The following MYT1L variants were observed in gnomAD, a reference collection of about 807,000 sequenced individuals.
MYT1L encodes the protein myelin transcription factor 1-like protein.
In MYT1L, 12 loss-of-function variants were observed where a neutral mutation model predicts 126.7. The observed-to-expected ratio is 0.09, with a 90% CI of 0.06 to 0.15. The LOEUF (loss-of-function observed/expected upper bound fraction) is 0.15. Among genes scored for constraint, MYT1L ranks in the 10% least tolerant of loss-of-function variants. MYT1L has a pLI of 1.00. For missense variants in MYT1L, 979 were observed against 1,585.2 expected (o/e 0.62, Z 6.49); for synonymous variants, 541 against 604.2 (o/e 0.90, Z 1.53).
intron 18 of MYT1L, among the ~76,000 whole-genome samples, chr2:1,865,842 C>G (rs886072387): frequency 1.6e-4 from 24 of 152,338 alleles, no homozygotes; most frequent in African/African-American, 5.1e-4. Context: ...CAACATCTTC[C>G]TCCACACGCT....
In MYT1L at chr2:1,910,221, G is replaced by A. The variant is rs774729423; in HGVS notation, c.1817+19C>T. ...AGACTATGGATAGAGCTCACGGATG[G>A]TGCACTCCTGCTGGGTACCTGAGCA... On this transcript the variant is annotated intron_variant, in intron 13 of 24. Transcript: ENST00000647738. This position sits in a 1 kb window ranked among gnomAD's most constrained non-coding sequence, Gnocchi z 4.8. 4.0e-5 allele frequency: 65 copies of A among 1,606,268 alleles called. No homozygotes were observed. Among genetic ancestry groups the A allele is most frequent in the African/African-American group, 1.3e-4 (10 of 74,798 alleles).
chr2:1,846,130 T>G (rs1336516160), intron 19 of MYT1L, among the ~76,000 whole-genome samples: 2 of 152,162 alleles, frequency 1.3e-5, no homozygotes, highest in African/African-American at 4.8e-5. Context: ...GCCACTGCCC[T>G]GAGGTGCGCC....
intron 2 of MYT1L, among the ~76,000 whole-genome samples, chr2:2,197,570 C>G (rs996448893): frequency 6.6e-6 from 1 of 151,152 alleles, no homozygotes; most frequent in African/African-American, 2.4e-5. Context: ...TGCACACACA[C>G]ATGCACACAA....
chr2:2,279,972 C>A (rs1349176047), intron 2 of MYT1L, among the ~76,000 whole-genome samples: 2 of 151,918 alleles, frequency 1.3e-5, no homozygotes. Flanking sequence ...GAAACAAAAG[C>A]TTTGATGTAG....
At chr2:1,883,453 C>CTGT (rs1380852221) in intron 18 of MYT1L, among the ~76,000 whole-genome samples, 2 of 152,198 alleles carry the variant, frequency 1.3e-5, no homozygotes, top group Non-Finnish European at 2.9e-5. Context: ...CTCTTTCCTG[C>CTGT]TGTTTCTTTC....
At chr2:2,236,918 A>G (rs960324250) in intron 2 of MYT1L, among the ~76,000 whole-genome samples, 1 of 151,404 alleles carries the variant, frequency 6.6e-6, no homozygotes, top group African/African-American at 2.4e-5. Context: ...GGTTCAAGTA[A>G]TTCTCGTGCC....
At chr2:1,875,396 G>T (rs552797429) in intron 18 of MYT1L, among the ~76,000 whole-genome samples, 1 of 152,296 alleles carries the variant, frequency 6.6e-6, no homozygotes, top group East Asian at 1.9e-4. Flanking sequence ...GGCGTGACGT[G>T]GTCCTTGCAC....
rs1330912545 is a variant in MYT1L at position 2,236,805 on chromosome 2, C to T, written c.-421+47599G>A. 3.6e-3 allele frequency among the ~76,000 whole-genome samples: 31 copies of T among 8,650 alleles called. 1 individual carries two copies. The highest frequency in any genetic ancestry group is 0.012 in the South Asian group (2 of 170). 5.7% of individuals were successfully genotyped at this position (8,650 alleles called of 152,430 possible). ...TCTTCTTCTTCTTCTTCTTCTTCTT[C>T]TTCTTCTTCTTTTTTTTTTTTTTTT... On this transcript the variant is annotated intron_variant, in intron 2 of 24. Transcript: ENST00000647738.
intron 10 of MYT1L, among the ~76,000 whole-genome samples, chr2:1,918,524 A>G (rs2053153809): frequency 6.6e-6 from 1 of 152,260 alleles, no homozygotes; most frequent in African/African-American, 2.4e-5. Context: ...CTTTATATCA[A>G]TAAAAGCTGG....
intron 4 of MYT1L, among the ~76,000 whole-genome samples, chr2:2,033,370 G>C (rs2066611502): frequency 6.9e-6 from 1 of 145,292 alleles, no homozygotes; most frequent in South Asian, 2.3e-4. Flanking sequence ...TCCAGAAGGA[G>C]GGCCTTACAC....
intron 2 of MYT1L, among the ~76,000 whole-genome samples, chr2:2,173,484 C>A (rs2090335545): frequency 1.3e-5 from 2 of 152,172 alleles, no homozygotes; most frequent in Admixed American, 6.5e-5. Context: ...ACTATCACAA[C>A]AACAAAAGAA....
chr2:2,275,045 G>A (rs1396014397), intron 2 of MYT1L, among the ~76,000 whole-genome samples: 1 of 152,210 alleles, frequency 6.6e-6, no homozygotes, highest in East Asian at 1.9e-4. Context: ...GTGCGGTAGA[G>A]TCAGCGGGAG....
intron 9 of MYT1L, among the ~76,000 whole-genome samples, chr2:1,937,595 C>T (rs1028300043): frequency 1.4e-5 from 2 of 146,820 alleles, no homozygotes; most frequent in Non-Finnish European, 3.0e-5. Context: ...GATCGCAAGT[C>T]GAGAAGGCCC....
chr2:1,840,904 CTTTTTTT>C, intron 19 of MYT1L, 61 bp from the exon 20 acceptor site: 3 of 750,366 alleles, frequency 4.0e-6, no homozygotes, highest in Non-Finnish European at 6.1e-6. Flanking sequence ...AGCTTTCTTT[CTTTTTTT>C]TTTTTTTTTT....
chr2:2,270,159 A>G (rs2095233717), intron 2 of MYT1L, among the ~76,000 whole-genome samples: 1 of 152,164 alleles, frequency 6.6e-6, no homozygotes, highest in African/African-American at 2.4e-5. Flanking sequence ...GCCAGAAGAG[A>G]CTGTCTGCAA....
intron 21 of MYT1L, among the ~76,000 whole-genome samples, chr2:1,813,920 G>A (rs553913209): frequency 7.7e-6 from 1 of 129,172 alleles, no homozygotes; most frequent in South Asian, 3.2e-4. Context: ...CCAGCTACTC[G>A]GGAGGCTGAG....
At chr2:1,919,252 C>T (rs2053249424) in intron 10 of MYT1L, among the ~76,000 whole-genome samples, 1 of 152,200 alleles carries the variant, frequency 6.6e-6, no homozygotes, top group African/African-American at 2.4e-5. Context: ...CCTCTCGATG[C>T]ATGAGGTCCT....
At chr2:1,987,845 G>A (rs753828534) in intron 5 of MYT1L, among the ~76,000 whole-genome samples, 1 of 152,134 alleles carries the variant, frequency 6.6e-6, no homozygotes, top group Non-Finnish European at 1.5e-5. Flanking sequence ...CTCAGAATAT[G>A]GCTCATCAGG....
intron 14 of MYT1L, among the ~76,000 whole-genome samples, chr2:1,893,937 C>T (rs1015479553): frequency 6.6e-6 from 1 of 152,128 alleles, no homozygotes; most frequent in Non-Finnish European, 1.5e-5. Flanking sequence ...GGACAGTGCC[C>T]AGGCTGGGAG....
Sources: gnomAD v4.1 joint callset for allele counts (sites outside exome capture counted in the v4.1 genomes callset) on GRCh38, gnomAD v4.1.1 for gene constraint, Gnocchi (gnomAD v3.1) non-coding constraint, MANE v1.5 for transcripts, NCBI Gene and HGNC (gene_info 2026-07-23, HGNC 2026-07-21) for gene names.